RIMS1: variants seen among roughly 807,000 people sequenced by gnomAD.
The protein encoded by RIMS1 is regulating synaptic membrane exocytosis protein 1.
RIMS1 carries 83 observed loss-of-function variants against 214.1 expected under a neutral mutation model. That is an observed-to-expected ratio of 0.39 (90% CI 0.32 to 0.47). The LOEUF is 0.47. Ranked by LOEUF, RIMS1 falls within the 20% of genes least tolerant of loss-of-function variation. The pLI is 0.99. For synonymous variants in RIMS1, 793 were observed against 786.8 expected, an observed-to-expected ratio of 1.01 and a Z score of -0.13; for missense variants, 2,050 against 2,161.8, an observed-to-expected ratio of 0.95 and a Z score of 1.03.
intron 16 of RIMS1, among the ~76,000 whole-genome samples, chr6:72,254,831 A>G (rs189636364): frequency 6.1e-4 from 93 of 152,328 alleles, no homozygotes; most frequent in Admixed American, 1.8e-3. Flanking sequence ...CTTATATTCC[A>G]TACTGAAATA....
chr6:72,209,057 A>G (rs553790438), intron 6 of RIMS1, among the ~76,000 whole-genome samples: 2 of 152,256 alleles, frequency 1.3e-5, no homozygotes, highest in African/African-American at 4.8e-5. Context: ...TTCCTTTAAC[A>G]CACTGTAAAA....
rs1350408924 is a variant in RIMS1, at chr6:71,886,583, C to T, written c.-441C>T. 3.9e-5 allele frequency: 6 copies of T among 152,350 alleles called. No individual in the cohort carries two copies. Among genetic ancestry groups the T allele is most frequent in the Non-Finnish European group, 7.4e-5 (5 of 67,636 alleles). The allele number at this position is 152,350 out of a possible 1,614,324, so 9.4% of individuals were successfully genotyped here. Reference sequence around the variant, plus strand: ...GGCAGCAGAGCCTGGGAGCAGCCTCCACGGCGGCAGCGGCCGCCCCAGTCC... The same window carrying T: ...GGCAGCAGAGCCTGGGAGCAGCCTCTACGGCGGCAGCGGCCGCCCCAGTCC... On this transcript the variant is annotated 5_prime_UTR_variant, in exon 1 of 34. Coordinates refer to ENST00000521978, the MANE Select transcript of RIMS1 (RefSeq NM_014989.7).
chr6:72,194,312 C>CA (rs1171299761), intron 6 of RIMS1, among the ~76,000 whole-genome samples: 1 of 138,156 alleles, frequency 7.2e-6, no homozygotes, highest in Non-Finnish European at 1.7e-5. Flanking sequence ...TTTAAAAGGA[C>CA]AGTTTATCAG....
chr6:72,252,710 T>G, intron 15 of RIMS1, 51 bp from the exon 16 acceptor site: 1 of 1,500,704 alleles, frequency 6.7e-7, no homozygotes, highest in Non-Finnish European at 9.1e-7. Flanking sequence ...CTCTTTACGT[T>G]TCATAAACCA....
At chr6:72,039,466 G>A (rs967636454) in intron 2 of RIMS1, among the ~76,000 whole-genome samples, 1 of 152,014 alleles carries the variant, frequency 6.6e-6, no homozygotes, top group African/African-American at 2.4e-5. Flanking sequence ...CATTTTAGTG[G>A]GTTTTAAATG....
At chr6:72,231,360 T>C (rs766404039) in intron 6 of RIMS1, among the ~76,000 whole-genome samples, 13 of 151,652 alleles carry the variant, frequency 8.6e-5, no homozygotes, top group Non-Finnish European at 1.8e-4. Flanking sequence ...ATAAGAAAAC[T>C]ATTAGCCATT....
At chr6:72,220,135 A>G (rs182466408) in intron 6 of RIMS1, among the ~76,000 whole-genome samples, 4 of 152,228 alleles carry the variant, frequency 2.6e-5, no homozygotes, top group East Asian at 1.9e-4. Context: ...CCTGGCTTAA[A>G]TAGTGATCTT....
At chr6:72,027,522 T>C (rs1816877901) in intron 2 of RIMS1, among the ~76,000 whole-genome samples, 1 of 152,146 alleles carries the variant, frequency 6.6e-6, no homozygotes, top group Non-Finnish European at 1.5e-5. Context: ...CAATCTAATA[T>C]AAATATTCCC....
chr6:72,075,616 T>TA (rs917510661), intron 2 of RIMS1, among the ~76,000 whole-genome samples: 25 of 152,052 alleles, frequency 1.6e-4, no homozygotes, highest in Non-Finnish European at 2.8e-4. Flanking sequence ...TTAATGAAGT[T>TA]AAAAAAAATT....
intron 27 of RIMS1, among the ~76,000 whole-genome samples, chr6:72,310,333 A>G (rs962553860): frequency 1.3e-4 from 20 of 152,090 alleles, no homozygotes; most frequent in African/African-American, 4.3e-4. Context: ...GTAAGGAATT[A>G]GGACTAACTT....
intron 4 of RIMS1, among the ~76,000 whole-genome samples, chr6:72,131,550 G>T (rs1004467871): frequency 6.6e-6 from 1 of 151,518 alleles, no homozygotes; most frequent in Non-Finnish European, 1.5e-5. Flanking sequence ...TACCGATAGG[G>T]TGTGGGTCAC....
At chr6:72,222,763 T>C (rs1018120763) in intron 6 of RIMS1, among the ~76,000 whole-genome samples, 25 of 152,314 alleles carry the variant, frequency 1.6e-4, no homozygotes, top group South Asian at 6.2e-4. Flanking sequence ...TTCATCCTTG[T>C]TTTTATAAAA....
intron 1 of RIMS1, among the ~76,000 whole-genome samples, chr6:71,942,179 G>A (rs1267712669): frequency 2.0e-5 from 3 of 152,136 alleles, no homozygotes; most frequent in African/African-American, 7.2e-5. Flanking sequence ...CATAGCATAT[G>A]GCAATCATTG....
intron 4 of RIMS1, among the ~76,000 whole-genome samples, chr6:72,158,907 C>A (rs1417644300): frequency 7.2e-6 from 1 of 139,688 alleles, no homozygotes; most frequent in Non-Finnish European, 1.6e-5. Flanking sequence ...ATTTATAATC[C>A]TTTGGGTATA....
chr6:72,268,061 T>C (rs1334074069), intron 22 of RIMS1, among the ~76,000 whole-genome samples: 1 of 152,142 alleles, frequency 6.6e-6, no homozygotes, highest in Non-Finnish European at 1.5e-5. Flanking sequence ...TAAACAATTA[T>C]TTTATGTAAT....
At chr6:72,249,981 T>C (rs968437372) in intron 12 of RIMS1, among the ~76,000 whole-genome samples, 1 of 152,142 alleles carries the variant, frequency 6.6e-6, no homozygotes, top group African/African-American at 2.4e-5. Flanking sequence ...ACATATAATC[T>C]TCAAACTCTT....
intron 4 of RIMS1, among the ~76,000 whole-genome samples, chr6:72,174,368 C>T (rs1180423234): frequency 1.3e-5 from 2 of 152,122 alleles, no homozygotes; most frequent in Non-Finnish European, 2.9e-5. Flanking sequence ...TTGATATTGT[C>T]ACTTTTGGGT....
chr6:72,265,557 C>A, intron 21 of RIMS1, 54 bp downstream of exon 21: 2 of 1,067,144 alleles, frequency 1.9e-6, no homozygotes, highest in South Asian at 3.0e-5. Flanking sequence ...TGTTGTGAAC[C>A]AAAAAAGTTG....
chr6:72,215,927 A>C (rs1361783116), intron 6 of RIMS1, among the ~76,000 whole-genome samples: 1 of 152,200 alleles, frequency 6.6e-6, no homozygotes, highest in Admixed American at 6.5e-5. Flanking sequence ...AATTTAAGTA[A>C]ACACAGCACC....
Sources: gnomAD v4.1 joint callset for allele counts (sites outside exome capture counted in the v4.1 genomes callset) on GRCh38, gnomAD v4.1.1 for gene constraint, MANE v1.5 for transcripts, NCBI Gene and HGNC (gene_info 2026-07-23, HGNC 2026-07-21) for gene names.